Variants in DAB2IP observed in about 807,000 individuals in gnomAD.
DAB2IP encodes disabled homolog 2-interacting protein.
In DAB2IP, 28 loss-of-function variants were observed where a neutral mutation model predicts 107.2. That is an observed-to-expected ratio of 0.26 (90% CI 0.19 to 0.36). The LOEUF is 0.36. Among genes scored for constraint, DAB2IP ranks in the 10% least tolerant of loss-of-function variants. The pLI, the probability that DAB2IP is intolerant of heterozygous loss-of-function variation, is 1.00. For synonymous variants in DAB2IP, 755 were observed against 706.4 expected (o/e 1.07, Z -1.09); for missense variants, 1,400 against 1,644.7 (o/e 0.85, Z 2.57).
At chr9:121,624,874 A>G (rs996467001) in intron 1 of DAB2IP, among the ~76,000 whole-genome samples, 3 of 152,254 alleles carry the variant, frequency 2.0e-5, no homozygotes, top group African/African-American at 7.2e-5. Context: ...CATTTAACAC[A>G]GTGCCAGGAA....
Position 121,760,358 on chromosome 9 carries a change from C to G in DAB2IP, c.1089C>G (p.Leu363=). ...ACTACCTGGGGCTGTGTGCAGCCCT[C>G]GAGCCCATCCTCAGTGCCAAGACCA... Residue 363 remains leucine, a synonymous_variant, in exon 6 of 16, where the codon CTC becomes CTG. Transcript: ENST00000408936. This position sits in a 1 kb window ranked among gnomAD's most constrained non-coding sequence, Gnocchi z 5.9. The G allele has an allele frequency of 4.3e-6, 7 of 1,612,436 alleles. No individual in the cohort carries two copies. Among genetic ancestry groups the G allele is most frequent in the Non-Finnish European group, 5.9e-6 (7 of 1,180,002 alleles).
At chr9:121,666,347 C>T (rs1482542599) in intron 1 of DAB2IP, among the ~76,000 whole-genome samples, 1 of 152,216 alleles carries the variant, frequency 6.6e-6, no homozygotes, top group African/African-American at 2.4e-5. Flanking sequence ...TGACATATCA[C>T]AGGTTCTAGG....
chr9:121,604,449 C>T (rs552661308), intron 1 of DAB2IP, among the ~76,000 whole-genome samples: 7 of 152,232 alleles, frequency 4.6e-5, no homozygotes, highest in African/African-American at 1.4e-4. Context: ...CTGTTAACCA[C>T]GAGATCAAAG....
chr9:121,600,337 G>A (rs1830652512), intron 1 of DAB2IP, among the ~76,000 whole-genome samples: 1 of 152,202 alleles, frequency 6.6e-6, no homozygotes, highest in Non-Finnish European at 1.5e-5. Context: ...TTGAAGTGAG[G>A]TCTCTTTTCC....
At chr9:121,663,269 G>A (rs1833281425) in intron 1 of DAB2IP, among the ~76,000 whole-genome samples, 2 of 152,128 alleles carry the variant, frequency 1.3e-5, no homozygotes, top group Admixed American at 6.5e-5. Context: ...CTATTAACGC[G>A]GCCAACCAGA....
upstream of DAB2IP, among the ~76,000 whole-genome samples, chr9:121,648,570 C>T (rs1200373970): frequency 6.6e-6 from 1 of 152,120 alleles, no homozygotes; most frequent in African/African-American, 2.4e-5. Flanking sequence ...TTAGCCAGTC[C>T]TAGTACCCAC....
intron 1 of DAB2IP, among the ~76,000 whole-genome samples, chr9:121,677,821 C>A (rs1013882684): frequency 2.6e-5 from 4 of 152,072 alleles, no homozygotes; most frequent in African/African-American, 9.7e-5. Flanking sequence ...AACACCACAC[C>A]TGGCTAATTT....
chr9:121,784,949 G>C (rs564955469), exon 16 of DAB2IP: 1 of 152,726 alleles, frequency 6.5e-6, no homozygotes, highest in South Asian at 2.1e-4. Flanking sequence ...GGGGTTGCCA[G>C]AGGCCCTGGA....
At chr9:121,754,129 T>C (rs1000251707) in intron 3 of DAB2IP, among the ~76,000 whole-genome samples, 1 of 152,172 alleles carries the variant, frequency 6.6e-6, no homozygotes, top group Non-Finnish European at 1.5e-5. Context: ...TTGGTCCTGC[T>C]GGGTTCAGGA....
At chr9:121,703,419 G>A (rs971691608) in intron 3 of DAB2IP, among the ~76,000 whole-genome samples, 1 of 152,158 alleles carries the variant, frequency 6.6e-6, no homozygotes, top group Non-Finnish European at 1.5e-5. Flanking sequence ...TCTGTCTAGT[G>A]TGGTGATGTC....
chr9:121,683,990 G>A (rs1166385350), intron 2 of DAB2IP, among the ~76,000 whole-genome samples: 1 of 152,096 alleles, frequency 6.6e-6, no homozygotes, highest in Non-Finnish European at 1.5e-5. Flanking sequence ...TCCCCTGCAG[G>A]ATACAAGAAC....
chr9:121,742,196 G>C (rs1048794738), intron 3 of DAB2IP, among the ~76,000 whole-genome samples: 5 of 152,180 alleles, frequency 3.3e-5, no homozygotes, highest in African/African-American at 9.7e-5. Flanking sequence ...GGGAGGCCAA[G>C]GTGGGTGGAT....
Position 121,699,104 on chromosome 9 carries a change from T to G in DAB2IP, c.229-221T>G, listed in dbSNP as rs1829595238. On this transcript the variant is annotated intron_variant, in intron 2 of 15. Transcript: ENST00000408936. The surrounding 1 kb of genome is among the most constrained non-coding windows in gnomAD (Gnocchi z 6.2). The stretch of plus-strand genomic sequence containing the variant: ...AGCGGCTTAGGGGGCGGGGGCGACG[T>G]GGCGGGCGGGGTGGGCTGGGCCGCG... Among the ~76,000 whole-genome samples the G allele has an allele frequency of 7.1e-6, 1 of 140,974 alleles. No homozygotes were observed. Among genetic ancestry groups the G allele is most frequent in the African/African-American group, 2.6e-5 (1 of 39,180 alleles). The allele number at this position is 140,974 out of a possible 152,430, so 92.5% of individuals were successfully genotyped here.
intron 2 of DAB2IP, among the ~76,000 whole-genome samples, chr9:121,683,815 A>G (rs115136080): frequency 0.011 from 1,601 of 152,252 alleles, 29 homozygotes; most frequent in African/African-American, 0.037. Context: ...GGCTTTGAGG[A>G]GTGTATAGGA....
At chr9:121,632,587 C>T (rs1831936029) in intron 1 of DAB2IP, among the ~76,000 whole-genome samples, 1 of 152,172 alleles carries the variant, frequency 6.6e-6, no homozygotes, top group South Asian at 2.1e-4. Flanking sequence ...CCTCCTCTGG[C>T]CCCTCCAGCA....
At chr9:121,713,761 C>T (rs1453167806) in intron 3 of DAB2IP, among the ~76,000 whole-genome samples, 1 of 152,104 alleles carries the variant, frequency 6.6e-6, no homozygotes, top group African/African-American at 2.4e-5. Context: ...GGACTCAGGC[C>T]AACTGTTTTA....
chr9:121,779,740 C>T (rs1006094899), intron 14 of DAB2IP, among the ~76,000 whole-genome samples: 97 of 152,210 alleles, frequency 6.4e-4, no homozygotes, highest in African/African-American at 2.3e-3. Flanking sequence ...TCCTTTCTGA[C>T]GGTTCTTGCC....
chr9:121,745,855 ATGG>A (rs1832686871), intron 3 of DAB2IP, among the ~76,000 whole-genome samples: 1 of 152,176 alleles, frequency 6.6e-6, no homozygotes, highest in Non-Finnish European at 1.5e-5. Flanking sequence ...TCTGTCCCAA[ATGG>A]TGGCTGGAAT....
upstream of DAB2IP, among the ~76,000 whole-genome samples, chr9:121,650,040 A>G (rs1832684153): frequency 6.6e-6 from 1 of 152,186 alleles, no homozygotes; most frequent in African/African-American, 2.4e-5. Context: ...TTAGCTCATC[A>G]GCTATGGTTA....
Sources: allele counts gnomAD v4.1 joint callset (sites outside exome capture counted in the v4.1 genomes callset), GRCh38; gene constraint gnomAD v4.1.1; non-coding constraint Gnocchi (gnomAD v3.1); transcripts MANE v1.5; gene names NCBI Gene and HGNC (gene_info 2026-07-23, HGNC 2026-07-21).